ADAM23: variants seen among roughly 807,000 people sequenced by gnomAD.
ADAM23 encodes the protein ADAM metallopeptidase domain 23.
Under a neutral mutation model 120.1 loss-of-function variants are expected in ADAM23, and 33 were observed. The observed-to-expected ratio is 0.27, with a 90% CI of 0.21 to 0.37. ADAM23 has a LOEUF of 0.37. Ranked by LOEUF, ADAM23 falls within the 10% of genes least tolerant of loss-of-function variation. ADAM23 has a pLI of 1.00. For missense variants in ADAM23, 862 were observed against 1,058.2 expected, an observed-to-expected ratio of 0.81 and a Z score of 2.57; for synonymous variants, 367 against 375.2, an observed-to-expected ratio of 0.98 and a Z score of 0.25.
intron 2 of ADAM23, among the ~76,000 whole-genome samples, chr2:206,470,919 C>T (rs1381549853): frequency 3.3e-5 from 5 of 152,152 alleles, no homozygotes; most frequent in Non-Finnish European, 5.9e-5. Context: ...AAAGCAAAGA[C>T]CACTTAGGAA....
chr2:206,565,697 T>G (rs2105826276), intron 14 of ADAM23, among the ~76,000 whole-genome samples: 1 of 152,298 alleles, frequency 6.6e-6, no homozygotes, highest in Middle Eastern at 3.4e-3. Flanking sequence ...TGGGAGCCAC[T>G]GCCCCCAGAC....
At chr2:206,581,514 C>T (rs557962018) in intron 18 of ADAM23, among the ~76,000 whole-genome samples, 6 of 152,272 alleles carry the variant, frequency 3.9e-5, no homozygotes, top group South Asian at 4.2e-4. Flanking sequence ...TTAATTTCCA[C>T]GTATTTGCAT....
At chr2:206,572,364 C>A (rs917927530) in intron 17 of ADAM23, among the ~76,000 whole-genome samples, 1 of 152,084 alleles carries the variant, frequency 6.6e-6, no homozygotes, top group South Asian at 2.1e-4. Flanking sequence ...CTACAGAGAC[C>A]ACCAGTTATT....
intron 14 of ADAM23, among the ~76,000 whole-genome samples, chr2:206,566,192 T>C (rs1697874603): frequency 1.3e-5 from 2 of 148,714 alleles, no homozygotes; most frequent in Admixed American, 6.7e-5. Flanking sequence ...ACATATAATA[T>C]CTTTAATATA....
chr2:206,607,980 G>C (rs1698759031), intron 24 of ADAM23: 1 of 452,244 alleles, frequency 2.2e-6, no homozygotes, highest in Admixed American at 2.4e-5. Flanking sequence ...AGCGGACGAA[G>C]TGCAAATCAT....
chr2:206,469,406 CCTTCACTAT>C (rs776757436), intron 2 of ADAM23, among the ~76,000 whole-genome samples: 2 of 152,060 alleles, frequency 1.3e-5, no homozygotes, highest in Non-Finnish European at 2.9e-5. Flanking sequence ...ATTGACTTTG[CCTTCACTAT>C]CTTCCCAGAA....
chr2:206,612,623 A>G (rs772102104), intron 25 of ADAM23, among the ~76,000 whole-genome samples: 7 of 152,214 alleles, frequency 4.6e-5, no homozygotes, highest in African/African-American at 1.7e-4. Flanking sequence ...CTTTAGGTGT[A>G]CTAGTGAGTA....
intron 24 of ADAM23, 145 bp from the exon 25 acceptor site, chr2:206,609,765 T>G (rs369023627): frequency 1.9e-5 from 12 of 637,960 alleles, no homozygotes; most frequent in East Asian, 1.7e-4. Flanking sequence ...AAAATGCAAT[T>G]AAGCTAAGTA....
chr2:206,476,626 C>T (rs1432880678), intron 2 of ADAM23, among the ~76,000 whole-genome samples: 1 of 152,166 alleles, frequency 6.6e-6, no homozygotes, highest in Non-Finnish European at 1.5e-5. Flanking sequence ...ATCCCCCACT[C>T]CACCCCATCC....
intron 16 of ADAM23, among the ~76,000 whole-genome samples, chr2:206,571,246 C>T (rs1035580530): frequency 6.6e-6 from 1 of 152,028 alleles, no homozygotes; most frequent in East Asian, 1.9e-4. Context: ...GAGGCCGAGG[C>T]GGGCAGATCA....
chr2:206,465,212 C>T (rs921347607), intron 2 of ADAM23, among the ~76,000 whole-genome samples: 1 of 152,000 alleles, frequency 6.6e-6, no homozygotes, highest in African/African-American at 2.4e-5. Flanking sequence ...CTATTTTTTT[C>T]TACTGTTTGT....
At chr2:206,485,559 G>T (rs1197786197) in intron 3 of ADAM23, among the ~76,000 whole-genome samples, 3 of 152,222 alleles carry the variant, frequency 2.0e-5, no homozygotes, top group African/African-American at 7.2e-5. Flanking sequence ...GGACTAACCT[G>T]ACAGGAGTTC....
intron 2 of ADAM23, among the ~76,000 whole-genome samples, chr2:206,456,224 A>C (rs955972014): frequency 4.6e-5 from 7 of 152,070 alleles, no homozygotes; most frequent in Non-Finnish European, 1.0e-4. Flanking sequence ...TGCACACCTT[A>C]CCATGGTGGA....
intron 14 of ADAM23, 92 bp downstream of exon 14, chr2:206,565,160 T>C (rs542123504): frequency 9.2e-7 from 1 of 1,091,652 alleles, no homozygotes; most frequent in African/African-American, 1.6e-5. Flanking sequence ...ATTGGTCTTT[T>C]AGGCTAAGCA....
intron 2 of ADAM23, among the ~76,000 whole-genome samples, chr2:206,461,966 A>C (rs1386286472): frequency 6.6e-6 from 1 of 152,146 alleles, no homozygotes; most frequent in Non-Finnish European, 1.5e-5. Flanking sequence ...GCTTTTGCAA[A>C]ATAGAAGCAG....
intron 2 of ADAM23, among the ~76,000 whole-genome samples, chr2:206,457,662 C>A (rs1300607648): frequency 6.6e-6 from 1 of 151,972 alleles, no homozygotes; most frequent in African/African-American, 2.4e-5. Context: ...ATCTGCTTAC[C>A]TTTCCTTCTT....
At chr2:206,602,480 T>C (rs887672547) in intron 24 of ADAM23, among the ~76,000 whole-genome samples, 40 of 152,178 alleles carry the variant, frequency 2.6e-4, no homozygotes, top group African/African-American at 9.4e-4. Flanking sequence ...AGTATTTACT[T>C]TTCTTGTCTT....
chr2:206,592,491 C>A, intron 21 of ADAM23, 126 bp from the exon 22 acceptor site: 2 of 1,230,148 alleles, frequency 1.6e-6, no homozygotes, highest in Non-Finnish European at 2.3e-6. Context: ...GATATATGAT[C>A]AAATGTTTTT....
intron 18 of ADAM23, among the ~76,000 whole-genome samples, chr2:206,574,132 A>G (rs537299480): frequency 7.6e-4 from 116 of 152,242 alleles, no homozygotes; most frequent in Middle Eastern, 3.4e-3. Flanking sequence ...CACTTTCACC[A>G]TATGTCCAGA....
Sources: allele counts gnomAD v4.1 joint callset (sites outside exome capture counted in the v4.1 genomes callset), GRCh38; gene constraint gnomAD v4.1.1; transcripts MANE v1.5; gene names NCBI Gene and HGNC (gene_info 2026-07-23, HGNC 2026-07-21).